The following ST8SIA1 variants were observed in gnomAD, a reference collection of about 807,000 sequenced individuals.
The protein encoded by ST8SIA1 is ST8 alpha-N-acetyl-neuraminide alpha-2,8-sialyltransferase 1.
Under a neutral mutation model 35.9 loss-of-function variants are expected in ST8SIA1, and 16 were observed. The observed-to-expected ratio is 0.45, with a 90% CI of 0.30 to 0.68. The LOEUF is 0.68. ST8SIA1 is among the 30% of genes least tolerant of loss of function. ST8SIA1 has a pLI of 0.09. For missense variants in ST8SIA1, 383 were observed against 453.6 expected (o/e 0.84, Z 1.41); for synonymous variants, 170 against 169.6 (o/e 1.00, Z -0.02).
rs1402882878 is a variant in ST8SIA1 at position 22,197,004 on chromosome 12, G to C, written c.*4548C>G. The C allele has an allele frequency of 1.3e-5, 2 of 152,190 alleles. No individual in the cohort carries two copies. The highest frequency in any genetic ancestry group is 2.9e-5 in the Non-Finnish European group (2 of 68,080). The allele number at this position is 152,190 out of a possible 1,614,324, so 9.4% of individuals were successfully genotyped here. A position where few individuals can be genotyped will look rare whatever the true frequency, so the allele number is the denominator to read the frequency against. The stretch of plus-strand genomic sequence containing the variant: ...TTTACATCCTGAGAGTGTGGGGATA[G>C]GGTCATCTCCTTTCAACTTGCCTCA... On this transcript the variant is annotated 3_prime_UTR_variant, in exon 5 of 5. Coordinates refer to ENST00000396037, the MANE Select transcript of ST8SIA1 (RefSeq NM_003034.4).
chr12:22,282,721 T>C (rs1866051576), intron 2 of ST8SIA1, among the ~76,000 whole-genome samples: 2 of 152,170 alleles, frequency 1.3e-5, no homozygotes, highest in Non-Finnish European at 2.9e-5. Context: ...GTTTCTGTTA[T>C]AAAGCAGCCA....
intron 1 of ST8SIA1, chr12:22,325,261 T>A (rs1866659980): frequency 3.6e-6 from 2 of 559,134 alleles, no homozygotes; most frequent in South Asian, 4.8e-5. Flanking sequence ...AGATTTTGCA[T>A]CCCAGGCAAG....
At chr12:22,229,615 CAAAAAA>C (rs11290260) in intron 4 of ST8SIA1, among the ~76,000 whole-genome samples, 12 of 93,752 alleles carry the variant, frequency 1.3e-4, no homozygotes, top group East Asian at 1.2e-3. Context: ...GACCGGGTTT[CAAAAAA>C]AAAAAAAAAA....
At chr12:22,236,054 C>T (rs991684197) in intron 4 of ST8SIA1, among the ~76,000 whole-genome samples, 1 of 152,178 alleles carries the variant, frequency 6.6e-6, no homozygotes, top group Non-Finnish European at 1.5e-5. Flanking sequence ...AAACAACTTA[C>T]AATTGATTTT....
At chr12:22,206,721 G>GTC (rs1179258429) in intron 4 of ST8SIA1, among the ~76,000 whole-genome samples, 4 of 152,290 alleles carry the variant, frequency 2.6e-5, no homozygotes, top group Admixed American at 2.6e-4. Context: ...GACAGGTGCA[G>GTC]TCTCTGCACA....
intron 1 of ST8SIA1, among the ~76,000 whole-genome samples, chr12:22,295,883 C>A (rs935667524): frequency 6.6e-6 from 1 of 152,178 alleles, no homozygotes; most frequent in African/African-American, 2.4e-5. Context: ...GGCTATGACT[C>A]CCCATCAAAG....
At chr12:22,245,590 G>A (rs1865591036) in intron 4 of ST8SIA1, among the ~76,000 whole-genome samples, 2 of 152,218 alleles carry the variant, frequency 1.3e-5, no homozygotes, top group South Asian at 4.1e-4. Flanking sequence ...ATAGTGTAAT[G>A]TTGTGAAATA....
At chr12:22,251,924 G>T (rs946089990) in intron 3 of ST8SIA1, among the ~76,000 whole-genome samples, 4 of 152,114 alleles carry the variant, frequency 2.6e-5, no homozygotes, top group Admixed American at 2.6e-4. Flanking sequence ...ACATACATTT[G>T]AGCATAATTC....
intron 1 of ST8SIA1, among the ~76,000 whole-genome samples, chr12:22,305,379 CTTTTT>C (rs71053397): frequency 7.5e-6 from 1 of 132,992 alleles, no homozygotes. Flanking sequence ...TTCCAGCATA[CTTTTT>C]TTTTTTTTTT....
chr12:22,203,441 G>T (rs890976093), intron 4 of ST8SIA1, among the ~76,000 whole-genome samples: 2 of 152,166 alleles, frequency 1.3e-5, no homozygotes, highest in Non-Finnish European at 2.9e-5. Context: ...CCACAGGATT[G>T]TATGTAGCAA....
At chr12:22,247,668 G>T (rs1225494680) in intron 4 of ST8SIA1, among the ~76,000 whole-genome samples, 2 of 151,904 alleles carry the variant, frequency 1.3e-5, no homozygotes, top group Non-Finnish European at 2.9e-5. Flanking sequence ...GAGCATCAGA[G>T]TAAGAAAGAT....
chr12:22,227,803 C>T (rs957944914), intron 4 of ST8SIA1, among the ~76,000 whole-genome samples: 1 of 152,096 alleles, frequency 6.6e-6, no homozygotes, highest in Non-Finnish European at 1.5e-5. Context: ...CAAAGAATGC[C>T]ACAGTGCCAA....
In ST8SIA1 at chr12:22,248,993, C is replaced by T. The variant is rs749985082; in HGVS notation, c.584+13G>A. The T allele has an allele frequency of 1.3e-6, 2 of 1,599,678 alleles. No individual in the cohort carries two copies. The highest frequency in any genetic ancestry group is 1.7e-5 in the Admixed American group (1 of 59,876). On this transcript the variant is annotated intron_variant, in intron 4 of 4. Transcript: ENST00000396037. ...ATCTTCGTTCGTCACAAACAGAAGT[C>T]ATAAACTCTTACCTTTGCCGAATTA... is the stretch of plus-strand genomic sequence containing the variant.
Position 22,287,396 on chromosome 12 carries a change from C to T in ST8SIA1, c.237-103G>A, listed in dbSNP as rs1201617649. On this transcript the variant is annotated intron_variant, in intron 1 of 4. Transcript: ENST00000396037. ...GAGATGTGCCACCTTACCTCAGTGC[C>T]AGCTCACAGAAGCATAGCATCTCCA... 4.2e-6 allele frequency: 5 copies of T among 1,189,678 alleles called. No homozygotes were observed. The East Asian group carries it at 1.2e-4, about 28-fold the overall frequency. 73.7% of individuals were successfully genotyped at this position (1,189,678 alleles called of 1,614,324 possible). A position where few individuals can be genotyped will look rare whatever the true frequency, so the allele number is the denominator to read the frequency against.
chr12:22,273,582 C>CA (rs1490062166), intron 2 of ST8SIA1, among the ~76,000 whole-genome samples: 2 of 151,914 alleles, frequency 1.3e-5, no homozygotes, highest in East Asian at 1.9e-4. Context: ...AGCTAACGAG[C>CA]AAAAAAATCC....
intron 2 of ST8SIA1, among the ~76,000 whole-genome samples, chr12:22,284,946 T>G (rs1156817065): frequency 6.6e-6 from 1 of 152,222 alleles, no homozygotes. Context: ...AAAAGCTACT[T>G]TGGATTTCAT....
At chr12:22,211,345 C>T (rs1865173712) in intron 4 of ST8SIA1, among the ~76,000 whole-genome samples, 1 of 152,308 alleles carries the variant, frequency 6.6e-6, no homozygotes, top group African/African-American at 2.4e-5. Context: ...TCCCTGGAGA[C>T]TGGGGGGTGG....
chr12:22,243,628 A>T (rs1483944885), intron 4 of ST8SIA1, among the ~76,000 whole-genome samples: 3 of 152,230 alleles, frequency 2.0e-5, no homozygotes, highest in Non-Finnish European at 4.4e-5. Context: ...TCCCTTCTAT[A>T]AAATGGAAAG....
rs756191090 is a variant in ST8SIA1 at position 22,334,122 on chromosome 12, G to A, written c.111C>T (p.Val37=). 2.9e-5 allele frequency: 46 copies of A among 1,613,968 alleles called. No individual in the cohort carries two copies. The highest frequency in any genetic ancestry group is 3.6e-5 in the Non-Finnish European group (43 of 1,180,022). ...RLPMGASALC[V]VVLCWLYIFP... is the part of the protein sequence containing the mutation. ...AGATGTAGAGCCAACAGAGGACCAC[G>A]ACACAGAGGGCACTGGCTCCCATGG... is the stretch of plus-strand genomic sequence containing the variant. Residue 37 remains valine, a synonymous_variant, in exon 1 of 5, where the codon GTC becomes GTT. Coordinates refer to ENST00000396037, the MANE Select transcript of ST8SIA1 (RefSeq NM_003034.4).
Sources: gnomAD v4.1 joint callset for allele counts (sites outside exome capture counted in the v4.1 genomes callset) on GRCh38, gnomAD v4.1.1 for gene constraint, MANE v1.5 for transcripts, NCBI Gene and HGNC (gene_info 2026-07-23, HGNC 2026-07-21) for gene names.